The following AVEN variants were observed in gnomAD, a reference collection of about 807,000 sequenced individuals.
AVEN encodes cell death regulator Aven.
Under a neutral mutation model 38.1 loss-of-function variants are expected in AVEN, and 41 were observed. The observed-to-expected ratio is 1.08, with a 90% CI of 0.84 to 1.40. The LOEUF is 1.40. AVEN is among the 40% of genes most tolerant of loss of function. AVEN has a pLI of 0.00. For missense variants in AVEN, 605 were observed against 438.8 expected (o/e 1.38, Z -3.38); for synonymous variants, 206 against 171.8 (o/e 1.20, Z -1.56).
chr15:33,913,140 C>T (rs1892983494), intron 2 of AVEN, among the ~76,000 whole-genome samples: 1 of 152,092 alleles, frequency 6.6e-6, no homozygotes, highest in African/African-American at 2.4e-5. Flanking sequence ...TCACCCGCCT[C>T]GGCCTCCCAA....
chr15:33,906,161 G>C (rs1352765629), intron 2 of AVEN, among the ~76,000 whole-genome samples: 6 of 152,184 alleles, frequency 3.9e-5, no homozygotes, highest in Non-Finnish European at 8.8e-5. Context: ...GGAGTGAATT[G>C]TGTGTGCTTG....
chr15:34,048,725 G>A (rs1457757983), intron 5 of AVEN, among the ~76,000 whole-genome samples: 1 of 152,206 alleles, frequency 6.6e-6, no homozygotes, highest in East Asian at 1.9e-4. Flanking sequence ...CTTTAAGTGG[G>A]TCCCTGATCC....
At chr15:34,052,228 C>G (rs1264723536) in intron 5 of AVEN, among the ~76,000 whole-genome samples, 1 of 151,908 alleles carries the variant, frequency 6.6e-6, no homozygotes, top group Non-Finnish European at 1.5e-5. Context: ...ATCACATAAA[C>G]AGAACTAAAG....
chr15:34,031,411 G>A (rs977698297), intron 1 of AVEN, among the ~76,000 whole-genome samples: 1 of 152,062 alleles, frequency 6.6e-6, no homozygotes, highest in Non-Finnish European at 1.5e-5. Flanking sequence ...CTGACCTCAG[G>A]TGATCTGCCT....
chr15:33,945,994 G>C (rs1894495933), intron 2 of AVEN, among the ~76,000 whole-genome samples: 1 of 152,192 alleles, frequency 6.6e-6, no homozygotes, highest in African/African-American at 2.4e-5. Context: ...ACCTCAGTGA[G>C]AGCAGGAACT....
In AVEN at chr15:33,867,586, T is replaced by C. The variant is rs528796842; in HGVS notation, c.882A>G (p.Ala294=). The part of the protein sequence containing the change: ...EELDLLLNLD[A]PIKEGDNILP... ...AGATGTTATCTCCCTCTTTTATAGGTGCATCTAAATTAAGCAACAGATCTA... is the reference window on the plus strand; with the variant it reads ...AGATGTTATCTCCCTCTTTTATAGGCGCATCTAAATTAAGCAACAGATCTA... Residue 294 remains alanine, a synonymous_variant, in exon 5 of 6, where the codon GCA becomes GCG. Coordinates refer to ENST00000306730, the MANE Select transcript of AVEN (RefSeq NM_020371.3). The C allele has an allele frequency of 9.3e-6, 15 of 1,614,070 alleles. No individual in the cohort carries two copies. The South Asian group carries it at 1.5e-4, about 17-fold the overall frequency.
chr15:33,947,326 C>T (rs897028333), intron 2 of AVEN, among the ~76,000 whole-genome samples: 11 of 152,166 alleles, frequency 7.2e-5, no homozygotes, highest in African/African-American at 2.4e-4. Context: ...ACGGGGTGCT[C>T]CTAGTGTTTT....
chr15:34,043,939 G>A, upstream of AVEN, among the ~76,000 whole-genome samples: 1 of 151,832 alleles, frequency 6.6e-6, no homozygotes, highest in African/African-American at 2.4e-5. Flanking sequence ...CAAGGCCAAG[G>A]CCTCTATTAC....
rs1330643509 is a variant in AVEN at position 33,891,394 on chromosome 15, C to G, written c.446-15399G>C. ...CTATCCCTCCCCCAGTCCCCCACCC[C>G]CTGACGGGCCCTGGTGTATGATGTT... On this transcript the variant is annotated intron_variant, in intron 2 of 5. Transcript: ENST00000306730. Among the ~76,000 whole-genome samples the G allele has an allele frequency of 4.6e-5, 7 of 152,132 alleles. No individual in the cohort carries two copies. The South Asian group carries it at 6.2e-4, about 14-fold the overall frequency.
At chr15:33,854,666 C>G, downstream of AVEN, 1 of 1,458,814 alleles carries the variant, frequency 6.9e-7, no homozygotes, top group Non-Finnish European at 9.3e-7. Context: ...ACCTAAACCC[C>G]CTCTATCCTC....
chr15:33,867,970 T>G, intron 4 of AVEN, 115 bp from the exon 5 acceptor site: 1 of 1,371,246 alleles, frequency 7.3e-7, no homozygotes, highest in Non-Finnish European at 9.7e-7. Flanking sequence ...GAAACTCAAT[T>G]CAGATAGTTC....
At chr15:33,939,809 A>T (rs1014932625) in intron 2 of AVEN, among the ~76,000 whole-genome samples, 8 of 152,164 alleles carry the variant, frequency 5.3e-5, no homozygotes, top group Non-Finnish European at 1.0e-4. Context: ...GCCATCGGGA[A>T]GTAGTTAGGA....
intron 2 of AVEN, among the ~76,000 whole-genome samples, chr15:33,880,537 T>C (rs962137006): frequency 2.0e-5 from 3 of 152,160 alleles, no homozygotes; most frequent in Non-Finnish European, 2.9e-5. Flanking sequence ...AAAGTAGGAA[T>C]TGACCAGCCC....
upstream of AVEN, among the ~76,000 whole-genome samples, chr15:34,041,112 A>G (rs188200763): frequency 1.4e-4 from 22 of 152,196 alleles, no homozygotes; most frequent in East Asian, 2.3e-3. Context: ...GCTGGGTAAC[A>G]TTTTGTGGCG....
At chr15:34,039,599 G>A (rs942497493), upstream of AVEN, among the ~76,000 whole-genome samples, 4 of 152,166 alleles carry the variant, frequency 2.6e-5, no homozygotes, top group African/African-American at 9.7e-5. Context: ...AGGTGTGGAT[G>A]TAAAGACAAG....
At chr15:33,896,128 A>G (rs766003124) in intron 2 of AVEN, among the ~76,000 whole-genome samples, 61 of 152,208 alleles carry the variant, frequency 4.0e-4, no homozygotes, top group Admixed American at 6.5e-4. Context: ...CCCAGAATAA[A>G]AACTACATAG....
At chr15:33,853,674 G>C in the AVEN span, 1 of 1,613,292 alleles carries the variant, frequency 6.2e-7, no homozygotes, top group East Asian at 2.2e-5. Context: ...CGGCTTCTCT[G>C]GTGTCATGGT....
intron 2 of AVEN, among the ~76,000 whole-genome samples, chr15:33,884,159 TTACAATAATAAATTATTAAG>T (rs1178363611): frequency 6.6e-6 from 1 of 152,184 alleles, no homozygotes. Flanking sequence ...CAGAGAGCAT[TTACAATAATAAATTATTAAG>T]TAGTAAAGCT....
At position 33,985,843 on chromosome 15, in the gene AVEN, T is replaced by C. The variant is rs555563384; in HGVS notation, c.445+17189A>G. Among the ~76,000 whole-genome samples, 5 of 152,226 alleles carry C rather than the reference T, an allele frequency of 3.3e-5. 1 individual carries two copies. In the South Asian group the frequency reaches 8.4e-4, roughly 26 times the overall value. On this transcript the variant is annotated intron_variant, in intron 2 of 5. Coordinates refer to ENST00000306730, the MANE Select transcript of AVEN (RefSeq NM_020371.3). ...TTAATTTCTAGGAAATGTTCAAAAA[T>C]AGAAGTTCAAGAAATGTTCAGTGAA...
Sources: gnomAD v4.1 joint callset for allele counts (sites outside exome capture counted in the v4.1 genomes callset) on GRCh38, gnomAD v4.1.1 for gene constraint, MANE v1.5 for transcripts, NCBI Gene and HGNC (gene_info 2026-07-23, HGNC 2026-07-21) for gene names.